Variants in RIMS1 observed in about 807,000 individuals in gnomAD.
RIMS1 encodes regulating synaptic membrane exocytosis 1, also known as regulating synaptic membrane exocytosis protein 1.
RIMS1 carries 83 observed loss-of-function variants against 214.1 expected under a neutral mutation model. The ratio of observed to expected loss-of-function variants is 0.39; its 90% CI spans 0.32 to 0.47. The LOEUF is 0.47. RIMS1 is among the 20% of genes least tolerant of loss of function. The pLI is 0.99. For missense variants in RIMS1, 2,050 were observed against 2,161.8 expected, an observed-to-expected ratio of 0.95 and a Z score of 1.03; for synonymous variants, 793 against 786.8, an observed-to-expected ratio of 1.01 and a Z score of -0.13.
chr6:72,388,338 G>A (rs1297500509), intron 29 of RIMS1, among the ~76,000 whole-genome samples: 1 of 152,196 alleles, frequency 6.6e-6, no homozygotes, highest in Non-Finnish European at 1.5e-5. Context: ...GAAATGCAGG[G>A]AAGACAGTGT....
intron 1 of RIMS1, among the ~76,000 whole-genome samples, chr6:71,929,184 C>T (rs1782384038): frequency 6.6e-6 from 1 of 152,024 alleles, no homozygotes; most frequent in African/African-American, 2.4e-5. Context: ...GGGTACTCTC[C>T]ATGAGAGCAG....
At chr6:72,005,784 T>G (rs1208151896) in intron 2 of RIMS1, among the ~76,000 whole-genome samples, 4 of 152,198 alleles carry the variant, frequency 2.6e-5, no homozygotes, top group Non-Finnish European at 4.4e-5. Context: ...GATAGTTTGA[T>G]CTCTCCTGAC....
At chr6:72,041,298 T>C (rs1821367790) in intron 2 of RIMS1, among the ~76,000 whole-genome samples, 1 of 151,896 alleles carries the variant, frequency 6.6e-6, no homozygotes, top group Admixed American at 6.6e-5. Flanking sequence ...AGTCAGCCAA[T>C]GCCAACAAAT....
chr6:72,245,690 C>T (rs1479559362), intron 10 of RIMS1, 125 bp from the exon 11 acceptor site: 6 of 674,262 alleles, frequency 8.9e-6, no homozygotes, highest in Non-Finnish European at 1.6e-5. Flanking sequence ...TTAATAGTAA[C>T]TCCTATTCAT....
intron 29 of RIMS1, among the ~76,000 whole-genome samples, chr6:72,383,967 A>G (rs887965889): frequency 6.6e-6 from 1 of 152,134 alleles, no homozygotes; most frequent in African/African-American, 2.4e-5. Flanking sequence ...TATTGCATTT[A>G]TTTTGGACCT....
intron 6 of RIMS1, among the ~76,000 whole-genome samples, chr6:72,206,878 A>C (rs1338816687): frequency 6.6e-6 from 1 of 152,224 alleles, no homozygotes; most frequent in Non-Finnish European, 1.5e-5. Context: ...GGGTGGCTTC[A>C]GCCACTTTCA....
intron 23 of RIMS1, among the ~76,000 whole-genome samples, chr6:72,275,035 A>T (rs1340054677): frequency 6.7e-6 from 1 of 150,134 alleles, no homozygotes; most frequent in African/African-American, 2.4e-5. Context: ...CTTTATGCTG[A>T]TATGTCAGAA....
At chr6:71,989,249 G>C (rs763216529) in intron 2 of RIMS1, among the ~76,000 whole-genome samples, 2 of 152,116 alleles carry the variant, frequency 1.3e-5, no homozygotes, top group Non-Finnish European at 2.9e-5. Flanking sequence ...TGCTTCTTTA[G>C]TACAGTGACT....
chr6:71,968,829 A>G (rs962422082), intron 1 of RIMS1, among the ~76,000 whole-genome samples, 154 bp from the exon 2 acceptor site: 1 of 151,826 alleles, frequency 6.6e-6, no homozygotes, highest in African/African-American at 2.4e-5. Flanking sequence ...AAGGTTTCCA[A>G]CTCCAAGGGC....
chr6:72,163,889 G>T (rs2045861979), intron 4 of RIMS1, among the ~76,000 whole-genome samples: 1 of 152,136 alleles, frequency 6.6e-6, no homozygotes, highest in East Asian at 1.9e-4. Context: ...CCAGCTGCGT[G>T]CTGGGAGAAC....
At chr6:71,944,510 G>A (rs1394628924) in intron 1 of RIMS1, among the ~76,000 whole-genome samples, 2 of 152,104 alleles carry the variant, frequency 1.3e-5, no homozygotes, top group Non-Finnish European at 2.9e-5. Flanking sequence ...GGAAGATGGA[G>A]TAATATTAGA....
Position 72,198,561 on chromosome 6 carries a change from G to C in RIMS1, c.1678+15412G>C, listed in dbSNP as rs573066247. ...CTCAATGGGTACAAACTTACAGTTA[G>C]ATAGAAGGAATAAGATCTAATGTTT... On this transcript the variant is annotated intron_variant, in intron 6 of 33. Coordinates refer to ENST00000521978, the MANE Select transcript of RIMS1 (RefSeq NM_014989.7). Among the ~76,000 whole-genome samples, 5 of 152,080 alleles carry C rather than the reference G, an allele frequency of 3.3e-5. No homozygotes were observed. The South Asian group carries it at 1.0e-3, about 32-fold the overall frequency.
rs1157520458 is a variant in RIMS1 at position 72,276,450 on chromosome 6, TTAG to T, written c.3482+2020_3482+2022del. On this transcript the variant is annotated intron_variant, in intron 23 of 33. Coordinates refer to ENST00000521978, the MANE Select transcript of RIMS1 (RefSeq NM_014989.7). ...ATACACGAGATGTTATTAGCTTAATTTAGTGGTATATGAATTATTCCATTTGAT... is the reference window on the plus strand; with the variant it reads ...ATACACGAGATGTTATTAGCTTAATTTGGTATATGAATTATTCCATTTGAT... Among the ~76,000 whole-genome samples, 51 of 152,162 alleles carry T rather than the reference TTAG, an allele frequency of 3.4e-4. 1 individual carries two copies. Among genetic ancestry groups the T allele is most frequent in the African/African-American group, 1.2e-3 (51 of 41,452 alleles).
At chr6:72,356,401 G>T (rs1564460749) in intron 29 of RIMS1, among the ~76,000 whole-genome samples, 1 of 152,036 alleles carries the variant, frequency 6.6e-6, no homozygotes, top group Non-Finnish European at 1.5e-5. Flanking sequence ...AGAAAGACAG[G>T]GCATAGCCTC....
At chr6:72,317,758 C>G (rs2095882600) in intron 28 of RIMS1, among the ~76,000 whole-genome samples, 1 of 152,008 alleles carries the variant, frequency 6.6e-6, no homozygotes, top group African/African-American at 2.4e-5. Context: ...ATACATGAAG[C>G]TTATTATCTA....
chr6:72,330,372 A>G (rs1194026883), intron 28 of RIMS1, among the ~76,000 whole-genome samples: 1 of 151,816 alleles, frequency 6.6e-6, no homozygotes. Context: ...AAAAGTCTAC[A>G]AGAAGGGGGG....
chr6:72,240,342 CATT>C (rs1300628178), intron 9 of RIMS1, among the ~76,000 whole-genome samples: 2 of 152,050 alleles, frequency 1.3e-5, no homozygotes, highest in South Asian at 2.1e-4. Flanking sequence ...GGTTGCAGCT[CATT>C]ATTGGGTAGT....
intron 28 of RIMS1, among the ~76,000 whole-genome samples, chr6:72,330,496 G>A (rs2096622340): frequency 6.6e-6 from 1 of 151,702 alleles, no homozygotes; most frequent in African/African-American, 2.4e-5. Context: ...ATTCAGCAAT[G>A]GGAAGGGGGC....
intron 6 of RIMS1, among the ~76,000 whole-genome samples, chr6:72,231,971 G>A (rs554819595): frequency 4.6e-5 from 7 of 151,728 alleles, no homozygotes; most frequent in Admixed American, 4.0e-4. Context: ...GAATCCTGAG[G>A]AGTAGTTTTC....
Sources: gnomAD v4.1 joint callset for allele counts (sites outside exome capture counted in the v4.1 genomes callset) on GRCh38, gnomAD v4.1.1 for gene constraint, MANE v1.5 for transcripts, NCBI Gene and HGNC (gene_info 2026-07-23, HGNC 2026-07-21) for gene names.